CDH22: variants seen among roughly 807,000 people sequenced by gnomAD.
The protein encoded by CDH22 is cadherin-22.
Under a neutral mutation model 58.4 loss-of-function variants are expected in CDH22, and 30 were observed. The observed-to-expected ratio is 0.51, with a 90% CI of 0.38 to 0.70. CDH22 has a LOEUF of 0.70. CDH22 is among the 30% of genes least tolerant of loss of function. The pLI is 0.00. For missense variants in CDH22, 1,014 were observed against 1,233.9 expected, an observed-to-expected ratio of 0.82 and a Z score of 2.67; for synonymous variants, 513 against 558.2, an observed-to-expected ratio of 0.92 and a Z score of 1.14.
chr20:46,252,430 C>A (rs1216544049), intron 1 of CDH22, among the ~76,000 whole-genome samples: 1 of 152,262 alleles, frequency 6.6e-6, no homozygotes, highest in Non-Finnish European at 1.5e-5. Context: ...TTGGACCAGC[C>A]TGCCGTCCCC....
chr20:46,296,320 G>T (rs977563997), intron 1 of CDH22, among the ~76,000 whole-genome samples: 1 of 152,152 alleles, frequency 6.6e-6, no homozygotes, highest in African/African-American at 2.4e-5. Context: ...TCATTATCTC[G>T]TTCATTCCAG....
At chr20:46,293,672 G>A (rs543228730) in intron 1 of CDH22, among the ~76,000 whole-genome samples, 2 of 152,210 alleles carry the variant, frequency 1.3e-5, no homozygotes, top group South Asian at 2.1e-4. Context: ...GAGAGAGGTG[G>A]TCTGTGTTCT....
intron 2 of CDH22, among the ~76,000 whole-genome samples, chr20:46,248,208 A>G (rs1006651544): frequency 2.0e-5 from 3 of 151,984 alleles, no homozygotes; most frequent in Non-Finnish European, 2.9e-5. Context: ...TGAGATGGGG[A>G]TGGGGTCAGC....
At chr20:46,185,633 C>T (rs547501126) in intron 10 of CDH22, among the ~76,000 whole-genome samples, 11 of 152,032 alleles carry the variant, frequency 7.2e-5, no homozygotes, top group African/African-American at 9.7e-5. Flanking sequence ...TTTGGGAGGC[C>T]GAGGTAGGAG....
chr20:46,210,214 G>A lies in CDH22; in HGVS notation c.1286+93C>T, dbSNP rs1400047179. 7 of 1,253,066 alleles carry A rather than the reference G, an allele frequency of 5.6e-6. No homozygotes were observed. The South Asian group carries it at 6.2e-5, about 11-fold the overall frequency. The allele number at this position is 1,253,066 out of a possible 1,614,324, so 77.6% of individuals were successfully genotyped here. A position where few individuals can be genotyped will look rare whatever the true frequency, so the allele number is the denominator to read the frequency against. ...GCAGCCCCTTCCTTCGGCCCTGCCC[G>A]CCCCAGCCCTCCTCCCCTCTGCCCG... is the stretch of plus-strand genomic sequence containing the variant. On this transcript the variant is annotated intron_variant, in intron 7 of 11. Coordinates refer to ENST00000537909, the MANE Select transcript of CDH22 (RefSeq NM_021248.3). This position sits in a 1 kb window ranked among gnomAD's most constrained non-coding sequence, Gnocchi z 4.5.
Position 46,224,400 on chromosome 20 carries a change from C to T in CDH22, c.670+3108G>A, listed in dbSNP as rs117590459. Among the ~76,000 whole-genome samples, 592 of 152,276 alleles carry T rather than the reference C, an allele frequency of 3.9e-3. 9 individuals are homozygous for T. Among genetic ancestry groups the T allele is most frequent in the East Asian group, 0.011 (56 of 5,182 alleles). On this transcript the variant is annotated intron_variant, in intron 4 of 11. Transcript: ENST00000537909. ...AGTGAACTGTCCCATTGAATCCTCACGACCATCAAGTGAGATGGGTATGAT... is the reference window on the plus strand; with the variant it reads ...AGTGAACTGTCCCATTGAATCCTCATGACCATCAAGTGAGATGGGTATGAT...
intron 1 of CDH22, among the ~76,000 whole-genome samples, chr20:46,262,715 T>G (rs1022909441): frequency 6.6e-6 from 1 of 152,202 alleles, no homozygotes; most frequent in Non-Finnish European, 1.5e-5. Flanking sequence ...TTGTGGAGTC[T>G]GGATTTGAAC....
At chr20:46,234,990 G>C (rs1385229830) in intron 3 of CDH22, among the ~76,000 whole-genome samples, 1 of 152,254 alleles carries the variant, frequency 6.6e-6, no homozygotes, top group Non-Finnish European at 1.5e-5. Context: ...GCTAATAAAT[G>C]TTTGCTAAGT....
Position 46,181,716 on chromosome 20 carries a change from TTTCC to T in CDH22, c.1664-3523_1664-3520del, listed in dbSNP as rs768698552. 2.0e-3 allele frequency among the ~76,000 whole-genome samples: 90 copies of T among 44,328 alleles called. 5 individuals carry two copies. The highest frequency in any genetic ancestry group is 0.01 in the East Asian group (18 of 1,746). 29.1% of individuals were successfully genotyped at this position (44,328 alleles called of 152,430 possible). A position where few individuals can be genotyped will look rare whatever the true frequency, so the allele number is the denominator to read the frequency against. Reference sequence around the variant, plus strand: ...TCTTTTCTTTTCTTTTCTTTCTTTTTTTCCTTCCTTCCTTCCTTCCTTCCTTCCT... The same window carrying T: ...TCTTTTCTTTTCTTTTCTTTCTTTTTTTCCTTCCTTCCTTCCTTCCTTCCT... On this transcript the variant is annotated intron_variant, in intron 10 of 11. Coordinates refer to ENST00000537909, the MANE Select transcript of CDH22 (RefSeq NM_021248.3).
intron 5 of CDH22, among the ~76,000 whole-genome samples, chr20:46,215,376 G>A (rs1317822406): frequency 6.6e-6 from 1 of 152,196 alleles, no homozygotes; most frequent in African/African-American, 2.4e-5. Flanking sequence ...GAGGTAAAAA[G>A]CAAGACAAAA....
At chr20:46,269,683 A>G (rs2425828) in intron 1 of CDH22, among the ~76,000 whole-genome samples, 60,999 of 152,026 alleles carry the variant, frequency 0.4, 12,745 homozygotes, top group Middle Eastern at 0.6. Context: ...GAGCAGACAG[A>G]GGATGCCAAG....
chr20:46,210,185 C>G lies in CDH22; in HGVS notation c.1286+122G>C. The G allele has an allele frequency of 9.5e-7, 1 of 1,056,132 alleles. No homozygotes were observed. The highest frequency in any genetic ancestry group is 1.3e-6 in the Non-Finnish European group (1 of 799,384). 65.4% of individuals were successfully genotyped at this position (1,056,132 alleles called of 1,614,324 possible). ...GCGCCTCTCTCCGCGCCTCCCTCCC[C>G]CACGCAGCCCCTTCCTTCGGCCCTG... On this transcript the variant is annotated intron_variant, in intron 7 of 11. Coordinates refer to ENST00000537909, the MANE Select transcript of CDH22 (RefSeq NM_021248.3). The surrounding 1 kb of genome is among the most constrained non-coding windows in gnomAD (Gnocchi z 4.5).
chr20:46,253,439 C>T (rs369331903), intron 1 of CDH22, among the ~76,000 whole-genome samples: 9 of 151,972 alleles, frequency 5.9e-5, no homozygotes, highest in African/African-American at 1.2e-4. Flanking sequence ...GTCTGGAACA[C>T]GCTGTTCCCT....
chr20:46,241,411 C>T lies in CDH22; in HGVS notation c.256-154G>A, dbSNP rs1345312491. Among the ~76,000 whole-genome samples, 1 of 152,222 alleles carries T rather than the reference C, an allele frequency of 6.6e-6. No homozygotes were observed. The highest frequency in any genetic ancestry group is 1.9e-4 in the East Asian group (1 of 5,194). ...GACACTGAGGCCCAGCAGCCACGCT[C>T]ACTTCCATCCCTGGCCTGGAGTCTT... On this transcript the variant is annotated intron_variant, in intron 2 of 11. Transcript: ENST00000537909. This position sits in a 1 kb window ranked among gnomAD's most constrained non-coding sequence, Gnocchi z 5.2.
intron 3 of CDH22, among the ~76,000 whole-genome samples, chr20:46,230,445 C>G (rs1296472290): frequency 6.6e-6 from 1 of 152,142 alleles, no homozygotes; most frequent in East Asian, 1.9e-4. Flanking sequence ...CAACATGTGG[C>G]TCTCGTGAGC....
At chr20:46,226,406 C>T (rs924711877) in intron 4 of CDH22, among the ~76,000 whole-genome samples, 3 of 151,792 alleles carry the variant, frequency 2.0e-5, no homozygotes, top group Admixed American at 6.6e-5. Flanking sequence ...CCACCTCAGC[C>T]TCCTGAGTAG....
chr20:46,264,662 A>G (rs2086449468), intron 1 of CDH22, among the ~76,000 whole-genome samples: 1 of 152,152 alleles, frequency 6.6e-6, no homozygotes, highest in Non-Finnish European at 1.5e-5. Context: ...ATGGGCCGGG[A>G]GGTGCTCAGT....
At chr20:46,178,320 G>C (rs1383462882) in intron 10 of CDH22, 123 bp from the exon 11 acceptor site, 1 of 1,046,456 alleles carries the variant, frequency 9.6e-7, no homozygotes, top group East Asian at 2.5e-5. Flanking sequence ...CCTCCCAATG[G>C]ACTCATGGGT....
At chr20:46,208,885 A>G (rs992172481) in intron 7 of CDH22, among the ~76,000 whole-genome samples, 1 of 152,050 alleles carries the variant, frequency 6.6e-6, no homozygotes, top group African/African-American at 2.4e-5. Context: ...GAGCCACCAC[A>G]CCCGGCCTCT....
Sources: gnomAD v4.1 joint callset for allele counts (sites outside exome capture counted in the v4.1 genomes callset) on GRCh38, gnomAD v4.1.1 for gene constraint, Gnocchi (gnomAD v3.1) non-coding constraint, MANE v1.5 for transcripts, NCBI Gene and HGNC (gene_info 2026-07-23, HGNC 2026-07-21) for gene names.